PLPP4: variants seen among roughly 807,000 people sequenced by gnomAD.
The protein encoded by PLPP4 is phospholipid phosphatase 4, also known as diacylglycerol pyrophosphate like 2.
PLPP4 carries 20 observed loss-of-function variants against 32.2 expected under a neutral mutation model. The ratio of observed to expected loss-of-function variants is 0.62; its 90% CI spans 0.44 to 0.90. The LOEUF (loss-of-function observed/expected upper bound fraction) is 0.90, where lower values mean the gene tolerates loss of function less well. Among genes scored for constraint, PLPP4 ranks in the 40% least tolerant of loss-of-function variants. The probability of loss-of-function intolerance (pLI) is 0.00; values close to 1 mark genes in which losing one functional copy is unlikely to be tolerated. For synonymous variants in PLPP4, 127 were observed against 133.0 expected (o/e 0.95, Z 0.31); for missense variants, 257 against 353.1 (o/e 0.73, Z 2.18).
chr10:120,496,987 A>T (rs545357336), intron 1 of PLPP4, among the ~76,000 whole-genome samples: 48 of 152,034 alleles, frequency 3.2e-4, no homozygotes, highest in Non-Finnish European at 5.7e-4. Flanking sequence ...TCATGAGTCT[A>T]GATGCTGCCC....
chr10:120,488,213 T>G (rs1039083513), intron 1 of PLPP4, among the ~76,000 whole-genome samples: 2 of 152,194 alleles, frequency 1.3e-5, no homozygotes, highest in African/African-American at 4.8e-5. Flanking sequence ...CCAGCCCCCC[T>G]TGAGTGGTTT....
rs905168159 is a variant in PLPP4, at chr10:120,581,003, C to T, written c.616+5702C>T. ...CCTTGACTGCCCATCTAAGTCCACC[C>T]GCCTCTGTGTTGGTGCCTAGGAGAG... On this transcript the variant is annotated intron_variant, in intron 6 of 6. Transcript: ENST00000398250. 1.5e-4 allele frequency: 195 copies of T among 1,289,324 alleles called. 1 individual carries two copies. The highest frequency in any genetic ancestry group is 1.7e-4 in the Non-Finnish European group (173 of 988,834). The allele number at this position is 1,289,324 out of a possible 1,614,324, so 79.9% of individuals were successfully genotyped here. A position where few individuals can be genotyped will look rare whatever the true frequency, so the allele number is the denominator to read the frequency against.
At chr10:120,478,078 G>A (rs765937842) in intron 1 of PLPP4, among the ~76,000 whole-genome samples, 3 of 152,310 alleles carry the variant, frequency 2.0e-5, no homozygotes, top group East Asian at 1.9e-4. Context: ...GTGGCCCCTG[G>A]CCCTCCCGCA....
intron 5 of PLPP4, among the ~76,000 whole-genome samples, chr10:120,534,394 T>C (rs1453136126): frequency 1.3e-5 from 2 of 152,096 alleles, no homozygotes; most frequent in African/African-American, 2.4e-5. Flanking sequence ...GCATTCCTCA[T>C]TTTTATTGTG....
At chr10:120,468,244 G>A (rs1458215087) in intron 1 of PLPP4, among the ~76,000 whole-genome samples, 1 of 65,106 alleles carries the variant, frequency 1.5e-5, no homozygotes, top group African/African-American at 3.3e-5. Flanking sequence ...TGATTCCATA[G>A]CAATGCAAGA....
intron 5 of PLPP4, among the ~76,000 whole-genome samples, chr10:120,552,596 A>G (rs1169325012): frequency 6.6e-6 from 1 of 152,222 alleles, no homozygotes; most frequent in Non-Finnish European, 1.5e-5. Flanking sequence ...TTTTGTGCTC[A>G]TTCCCAGGAA....
intron 1 of PLPP4, among the ~76,000 whole-genome samples, chr10:120,473,711 C>T (rs535752050): frequency 2.0e-5 from 3 of 152,224 alleles, no homozygotes; most frequent in East Asian, 3.9e-4. Flanking sequence ...CCTCGTTATT[C>T]TTGTGATACA....
chr10:120,464,255 G>A (rs1332459679), intron 1 of PLPP4, among the ~76,000 whole-genome samples: 2 of 152,192 alleles, frequency 1.3e-5, no homozygotes, highest in African/African-American at 4.8e-5. Context: ...TGAAGTATAA[G>A]TTTGAACCAT....
Position 120,590,081 on chromosome 10 carries a change from A to G in PLPP4, c.*579A>G, listed in dbSNP as rs1849947655. On this transcript the variant is annotated 3_prime_UTR_variant, in exon 7 of 7. Transcript: ENST00000398250. ...TTTTGAATCATTGAATCTGGAAGCA[A>G]ATAAAATTAATAACTTCATGCACAG... 6.6e-6 allele frequency among the ~76,000 whole-genome samples: 1 copy of G among 152,202 alleles called. No individual in the cohort carries two copies. The highest frequency in any genetic ancestry group is 2.1e-4 in the South Asian group (1 of 4,826).
In PLPP4 at chr10:120,500,254, G is replaced by A. The variant is rs543845724; in HGVS notation, c.57-3564G>A. On this transcript the variant is annotated intron_variant, in intron 1 of 6. Coordinates refer to ENST00000398250, the MANE Select transcript of PLPP4 (RefSeq NM_001030059.3). The stretch of plus-strand genomic sequence containing the variant: ...AAGACAAACAAGACGAGGAAGGAAG[G>A]TGCTCTGTGGTGTACCTGGTCCCAT... Among the ~76,000 whole-genome samples the A allele has an allele frequency of 3.9e-5, 6 of 152,290 alleles. No individual in the cohort carries two copies. The South Asian group carries it at 1.0e-3, about 26-fold the overall frequency.
intron 5 of PLPP4, among the ~76,000 whole-genome samples, chr10:120,530,656 C>T (rs1846662146): frequency 6.6e-6 from 1 of 151,982 alleles, no homozygotes; most frequent in South Asian, 2.1e-4. Context: ...TGTCACTTAT[C>T]TTGGCTAAGT....
At chr10:120,508,344 CT>C (rs1207620633) in intron 2 of PLPP4, among the ~76,000 whole-genome samples, 1 of 152,118 alleles carries the variant, frequency 6.6e-6, no homozygotes, top group Non-Finnish European at 1.5e-5. Flanking sequence ...TTAAAGTTGT[CT>C]TTATAATCAC....
intron 3 of PLPP4, among the ~76,000 whole-genome samples, chr10:120,514,312 A>G (rs1230042291): frequency 6.6e-6 from 1 of 152,196 alleles, no homozygotes; most frequent in African/African-American, 2.4e-5. Context: ...GGCAAAGTAA[A>G]TCTAAAACTT....
chr10:120,566,373 A>G (rs1848690556), intron 5 of PLPP4, among the ~76,000 whole-genome samples: 1 of 152,074 alleles, frequency 6.6e-6, no homozygotes, highest in South Asian at 2.1e-4. Flanking sequence ...CTCAAAATTA[A>G]CTCCCCACTT....
rs146222738 is a variant in PLPP4, at chr10:120,568,584, C to A, written c.446-6547C>A. The stretch of plus-strand genomic sequence containing the variant: ...TCATCAAATTTATGCTCTGTTAAGT[C>A]CTTTGAAGGTAAACTAAAAAATCAT... On this transcript the variant is annotated intron_variant, in intron 5 of 6. Coordinates refer to ENST00000398250, the MANE Select transcript of PLPP4 (RefSeq NM_001030059.3). Among the ~76,000 whole-genome samples the A allele has an allele frequency of 4.1e-3, 626 of 152,234 alleles. 4 individuals are homozygous for A. Among genetic ancestry groups the A allele is most frequent in the African/African-American group, 0.014 (592 of 41,536 alleles).
At chr10:120,508,069 C>T (rs960560029) in intron 2 of PLPP4, among the ~76,000 whole-genome samples, 18 of 152,108 alleles carry the variant, frequency 1.2e-4, no homozygotes, top group African/African-American at 4.3e-4. Flanking sequence ...CGTGATATGT[C>T]CAGAAGATAC....
intron 5 of PLPP4, among the ~76,000 whole-genome samples, chr10:120,570,737 A>G (rs1055483895): frequency 4.6e-5 from 7 of 152,200 alleles, no homozygotes; most frequent in Non-Finnish European, 4.4e-5. Flanking sequence ...GTTGCTGGAG[A>G]GAAGAATTAG....
At chr10:120,574,717 T>C (rs1849131113) in intron 5 of PLPP4, among the ~76,000 whole-genome samples, 1 of 152,200 alleles carries the variant, frequency 6.6e-6, no homozygotes, top group Non-Finnish European at 1.5e-5. Flanking sequence ...CTGTATGTAC[T>C]TGTTTCTTAT....
intron 4 of PLPP4, 70 bp downstream of exon 4, chr10:120,518,966 G>A (rs1481153069): frequency 1.0e-5 from 13 of 1,266,778 alleles, no homozygotes; most frequent in East Asian, 4.7e-5. Flanking sequence ...CTGGGCCAGA[G>A]GACACTGGAT....
Sources: gnomAD v4.1 joint callset for allele counts (sites outside exome capture counted in the v4.1 genomes callset) on GRCh38, gnomAD v4.1.1 for gene constraint, MANE v1.5 for transcripts, NCBI Gene and HGNC (gene_info 2026-07-23, HGNC 2026-07-21) for gene names.